The following CTNNA3 variants were observed in gnomAD, a reference collection of about 807,000 sequenced individuals.
CTNNA3 encodes catenin alpha-3.
Under a neutral mutation model 95.7 loss-of-function variants are expected in CTNNA3, and 76 were observed. The ratio of observed to expected loss-of-function variants is 0.79; its 90% CI spans 0.66 to 0.96. The LOEUF (loss-of-function observed/expected upper bound fraction) is 0.96. CTNNA3 is among the 40% of genes least tolerant of loss of function. The probability of loss-of-function intolerance (pLI) is 0.00; values close to 1 mark genes in which losing one functional copy is unlikely to be tolerated. For synonymous variants in CTNNA3, 431 were observed against 374.4 expected (o/e 1.15, Z -1.74); for missense variants, 1,191 against 1,089.8 (o/e 1.09, Z -1.31).
intron 16 of CTNNA3, among the ~76,000 whole-genome samples, chr10:65,982,727 A>G (rs2078347262): frequency 2.0e-5 from 3 of 150,212 alleles, no homozygotes. Context: ...ATATATATTC[A>G]TGTAACCAAA....
rs1232916938 is a variant in CTNNA3, at chr10:65,918,617, T to G, written c.*1713A>C. 3 of 152,210 alleles carry G rather than the reference T, an allele frequency of 2.0e-5. No homozygotes were observed. The highest frequency in any genetic ancestry group is 2.9e-5 in the Non-Finnish European group (2 of 68,032). 9.4% of individuals were successfully genotyped at this position (152,210 alleles called of 1,614,324 possible). On this transcript the variant is annotated 3_prime_UTR_variant, in exon 18 of 18. Transcript: ENST00000433211. ...TCTGGGCAGTGCATTCTGTTCAGAATAGTTATTGTAGGCCAGTCTATGGTG... is the reference window on the plus strand; with the variant it reads ...TCTGGGCAGTGCATTCTGTTCAGAAGAGTTATTGTAGGCCAGTCTATGGTG...
At chr10:67,584,108 C>A (rs575717237) in intron 3 of CTNNA3, among the ~76,000 whole-genome samples, 1 of 152,306 alleles carries the variant, frequency 6.6e-6, no homozygotes, top group Admixed American at 6.5e-5. Flanking sequence ...CCGTTGCTGG[C>A]AAGGAGCTGC....
intron 7 of CTNNA3, among the ~76,000 whole-genome samples, chr10:67,134,930 G>A (rs767636578): frequency 1.3e-5 from 2 of 152,036 alleles, no homozygotes; most frequent in South Asian, 2.1e-4. Flanking sequence ...CACTACCACC[G>A]CTGAGACCCA....
chr10:67,274,272 T>C (rs1284201459), intron 5 of CTNNA3, among the ~76,000 whole-genome samples: 1 of 151,980 alleles, frequency 6.6e-6, no homozygotes, highest in African/African-American at 2.4e-5. Context: ...TAAAAGAATG[T>C]TGAATAAGTT....
Position 67,205,405 on chromosome 10 carries a change from T to C in CTNNA3, c.843+14202A>G, listed in dbSNP as rs60731279. 1.6e-3 allele frequency among the ~76,000 whole-genome samples: 250 copies of C among 152,306 alleles called. 1 individual carries two copies. The highest frequency in any genetic ancestry group is 5.6e-3 in the African/African-American group (233 of 41,566). On this transcript the variant is annotated intron_variant, in intron 6 of 17. Coordinates refer to ENST00000433211, the MANE Select transcript of CTNNA3 (RefSeq NM_013266.4). Reference sequence around the variant, plus strand: ...GGCCTCTTACTAGTAAATAATTTTATTTAGTTCTTATTTACCCACCAAAAT... The same window carrying C: ...GGCCTCTTACTAGTAAATAATTTTACTTAGTTCTTATTTACCCACCAAAAT...
intron 15 of CTNNA3, among the ~76,000 whole-genome samples, chr10:66,065,394 C>A (rs558212036): frequency 6.6e-6 from 1 of 152,160 alleles, no homozygotes; most frequent in East Asian, 1.9e-4. Context: ...TCTCAAAAAT[C>A]TTGTCATGAT....
At chr10:67,179,120 T>C (rs1862382077) in intron 7 of CTNNA3, among the ~76,000 whole-genome samples, 1 of 152,036 alleles carries the variant, frequency 6.6e-6, no homozygotes, top group African/African-American at 2.4e-5. Flanking sequence ...ATCTCAAATA[T>C]CTTAAATTCA....
At chr10:67,349,293 G>C (rs569098001) in intron 5 of CTNNA3, among the ~76,000 whole-genome samples, 24 of 152,034 alleles carry the variant, frequency 1.6e-4, no homozygotes, top group Non-Finnish European at 2.9e-4. Flanking sequence ...CTAAAATGTG[G>C]AAACAATCTA....
intron 5 of CTNNA3, among the ~76,000 whole-genome samples, chr10:67,237,167 TATATATACAC>T (rs1865522206): frequency 1.8e-5 from 2 of 109,004 alleles, no homozygotes; most frequent in Non-Finnish European, 1.9e-5. Flanking sequence ...TATATATATA[TATATATACAC>T]ACACAATGGA....
At chr10:67,104,297 T>C (rs1858503242) in intron 7 of CTNNA3, among the ~76,000 whole-genome samples, 1 of 151,828 alleles carries the variant, frequency 6.6e-6, no homozygotes, top group Non-Finnish European at 1.5e-5. Context: ...TGATTTTAAA[T>C]GGCAATATTC....
At chr10:66,328,946 A>C (rs2092292073) in intron 12 of CTNNA3, among the ~76,000 whole-genome samples, 1 of 141,560 alleles carries the variant, frequency 7.1e-6, no homozygotes, top group Non-Finnish European at 1.5e-5. Context: ...ACACACACAT[A>C]TAAATATAAT....
chr10:66,373,427 A>C (rs534221441), intron 12 of CTNNA3, among the ~76,000 whole-genome samples: 185 of 152,080 alleles, frequency 1.2e-3, no homozygotes, highest in Non-Finnish European at 2.2e-3. Flanking sequence ...AAGGTCCCAC[A>C]CTCCTATGGG....
At chr10:65,956,945 T>C (rs558867252) in intron 17 of CTNNA3, among the ~76,000 whole-genome samples, 57 of 152,196 alleles carry the variant, frequency 3.7e-4, no homozygotes, top group Admixed American at 1.4e-3. Context: ...GATATCCTTG[T>C]TAACTTTCTG....
In CTNNA3 at chr10:66,520,792, A is replaced by T; in HGVS notation, c.1375-19T>A. ...TAATAATCTATAAAGATAAGGATTG[A>T]AAAAATTACCTATTGGTTGCAATGT... On this transcript the variant is annotated intron_variant, in intron 10 of 17. Coordinates refer to ENST00000433211, the MANE Select transcript of CTNNA3 (RefSeq NM_013266.4). The T allele has an allele frequency of 6.2e-7, 1 of 1,604,962 alleles. No homozygotes were observed. Among genetic ancestry groups the T allele is most frequent in the Non-Finnish European group, 8.5e-7 (1 of 1,174,630 alleles).
At chr10:67,351,172 A>T (rs778834236) in intron 5 of CTNNA3, among the ~76,000 whole-genome samples, 2 of 151,932 alleles carry the variant, frequency 1.3e-5, no homozygotes, top group African/African-American at 4.8e-5. Context: ...AATAGGCAAA[A>T]CAGATGAGTG....
At chr10:65,935,165 G>A (rs545245416) in intron 17 of CTNNA3, among the ~76,000 whole-genome samples, 44 of 152,206 alleles carry the variant, frequency 2.9e-4, no homozygotes, top group African/African-American at 8.9e-4. Context: ...ACAGTAGTCC[G>A]TTGTCCTAAG....
chr10:66,333,979 T>C (rs1424594221), intron 12 of CTNNA3, among the ~76,000 whole-genome samples: 3 of 152,154 alleles, frequency 2.0e-5, no homozygotes, highest in Non-Finnish European at 4.4e-5. Context: ...TTTAACATTA[T>C]GTAATGGCCG....
chr10:66,972,519 G>C (rs1192073341), intron 7 of CTNNA3, among the ~76,000 whole-genome samples: 2 of 151,758 alleles, frequency 1.3e-5, no homozygotes, highest in Non-Finnish European at 2.9e-5. Context: ...GGTATTTTTG[G>C]TCCATTTGCT....
chr10:67,475,278 C>T (rs576854774), intron 5 of CTNNA3, among the ~76,000 whole-genome samples: 1 of 152,286 alleles, frequency 6.6e-6, no homozygotes, highest in Non-Finnish European at 1.5e-5. Flanking sequence ...GAGGAGTTAA[C>T]CACAAGGGAC....
Sources: allele counts gnomAD v4.1 joint callset (sites outside exome capture counted in the v4.1 genomes callset), GRCh38; gene constraint gnomAD v4.1.1; transcripts MANE v1.5; gene names NCBI Gene and HGNC (gene_info 2026-07-23, HGNC 2026-07-21).